Variants in DHRS11 observed in about 807,000 individuals in gnomAD.
The protein encoded by DHRS11 is dehydrogenase/reductase SDR family member 11.
A neutral mutation model predicts 30.7 loss-of-function variants in DHRS11; 18 were observed. That is an observed-to-expected ratio of 0.59 (90% CI 0.41 to 0.87). The LOEUF is 0.87. DHRS11 is among the 40% of genes least tolerant of loss of function. DHRS11 has a pLI of 0.00. For synonymous variants in DHRS11, 123 were observed against 139.6 expected (o/e 0.88, Z 0.84); for missense variants, 300 against 349.0 (o/e 0.86, Z 1.12).
chr17:36,591,974 G>T lies in DHRS11; in HGVS notation c.-36G>T, dbSNP rs2074770336. 1 of 1,223,810 alleles carries T rather than the reference G, an allele frequency of 8.2e-7. No individual in the cohort carries two copies. Among genetic ancestry groups the T allele is most frequent in the South Asian group, 4.1e-5 (1 of 24,318 alleles). The allele number at this position is 1,223,810 out of a possible 1,614,324, so 75.8% of individuals were successfully genotyped here. The stretch of plus-strand genomic sequence containing the variant: ...CGTCAGCTCCTCGACCCCCGTGTCG[G>T]GCTAGTCCAGCGAGGCGGACGGGCG... On this transcript the variant is annotated 5_prime_UTR_variant, in exon 1 of 7. Transcript: ENST00000618403.
In DHRS11 at chr17:36,592,623, A is replaced by C. The variant is rs988796874; in HGVS notation, c.147+467A>C. Among the ~76,000 whole-genome samples, 1 of 152,184 alleles carries C rather than the reference A, an allele frequency of 6.6e-6. No individual in the cohort carries two copies. Among genetic ancestry groups the C allele is most frequent in the African/African-American group, 2.4e-5 (1 of 41,464 alleles). ...CGCCCCCTCACCTCGGGGGTAACTC[A>C]TGCCCAGTGGCATGAGGAATGAATG... On this transcript the variant is annotated intron_variant, in intron 1 of 6. Coordinates refer to ENST00000618403, the MANE Select transcript of DHRS11 (RefSeq NM_024308.4). This position sits in a 1 kb window ranked among gnomAD's most constrained non-coding sequence, Gnocchi z 4.4.
At chr17:36,599,814 C>T in intron 5 of DHRS11, 51 bp downstream of exon 5, 1 of 1,608,524 alleles carries the variant, frequency 6.2e-7, no homozygotes, top group Non-Finnish European at 8.5e-7. Context: ...TAAATGAAGG[C>T]AGAGGGAAGC....
intron 4 of DHRS11, chr17:36,599,309 G>A: frequency 1.7e-6 from 1 of 596,666 alleles, no homozygotes; most frequent in Middle Eastern, 4.5e-4. Flanking sequence ...AGGGACTGTG[G>A]GAAACCAGGT....
chr17:36,599,713 C>G lies in DHRS11; in HGVS notation c.625C>G (p.Leu209Val). The change falls in exon 5 of 7, where the codon CTC (leucine) becomes GTC (valine). Residue 209 changes from leucine (L) to valine (V), a missense_variant. Transcript: ENST00000618403. ...GGTGGAGACACAATTCGCCTTCAAA[C>G]TCCACGACAAGGACCCTGAGAAGGC... ...GVVETQFAFK[L>V]HDKDPEKAAA... 1 of 1,614,190 alleles carries G rather than the reference C, an allele frequency of 6.2e-7. No homozygotes were observed. Among genetic ancestry groups the G allele is most frequent in the African/African-American group, 1.3e-5 (1 of 75,050 alleles).
chr17:36,594,114 C>G (rs566986820), intron 1 of DHRS11, among the ~76,000 whole-genome samples: 1 of 152,256 alleles, frequency 6.6e-6, no homozygotes, highest in Non-Finnish European at 1.5e-5. Context: ...GACTTTCTGA[C>G]CCCTCCTTTA....
At chr17:36,598,074 T>G (rs1199599508) in intron 2 of DHRS11, 89 bp from the exon 3 acceptor site, 2 of 1,346,454 alleles carry the variant, frequency 1.5e-6, no homozygotes, top group Admixed American at 3.4e-5. Context: ...AATGCCACAC[T>G]GCCCCCTTCC....
chr17:36,599,508 T>C (rs2142822772), intron 4 of DHRS11, 163 bp from the exon 5 acceptor site: 1 of 654,590 alleles, frequency 1.5e-6, no homozygotes, highest in South Asian at 1.8e-5. Flanking sequence ...GTAGGTATCA[T>C]TGTGGTCACT....
intron 1 of DHRS11, chr17:36,594,764 T>G: frequency 3.3e-6 from 2 of 606,516 alleles, no homozygotes; most frequent in East Asian, 2.7e-5. Flanking sequence ...GCCTTTTCCC[T>G]TCATCACTCG....
At chr17:36,593,593 T>G (rs987859999) in intron 1 of DHRS11, among the ~76,000 whole-genome samples, 5 of 152,350 alleles carry the variant, frequency 3.3e-5, no homozygotes, top group Admixed American at 6.5e-5. Context: ...CAGAGAAAAC[T>G]CCTGTTTCCT....
At chr17:36,594,745 T>C (rs1482252303) in intron 1 of DHRS11, 1 of 597,246 alleles carries the variant, frequency 1.7e-6, no homozygotes, top group African/African-American at 1.9e-5. Flanking sequence ...GGTTTCTCCA[T>C]TGATAACAGC....
chr17:36,595,508 T>C (rs978305076), intron 2 of DHRS11, among the ~76,000 whole-genome samples: 2 of 146,210 alleles, frequency 1.4e-5, no homozygotes, highest in African/African-American at 2.5e-5. Flanking sequence ...CAACTTCCGC[T>C]TCCCAGGTTC....
In DHRS11 at chr17:36,600,019, C is replaced by A; in HGVS notation, c.723C>A (p.Ser241Arg). The A allele has an allele frequency of 6.2e-7, 1 of 1,613,770 alleles. No individual in the cohort carries two copies. The highest frequency in any genetic ancestry group is 8.5e-7 in the Non-Finnish European group (1 of 1,179,878). ...CCGAGGCTGTTATCTACGTCCTCAG[C>A]ACCCCCGCACACATCCAGGTGAGTC... ...DVAEAVIYVL[S>R]TPAHIQIGDI... The change falls in exon 6 of 7, where the codon AGC (serine) becomes AGA (arginine). Residue 241 changes from serine (S) to arginine (R), a missense_variant. Transcript: ENST00000618403.
chr17:36,596,833 T>G, intron 2 of DHRS11: 1 of 470,898 alleles, frequency 2.1e-6, no homozygotes, highest in Non-Finnish European at 4.4e-6. Flanking sequence ...GACAGTAGAC[T>G]TAGCACCTCA....
At chr17:36,593,246 A>G (rs190682272) in intron 1 of DHRS11, among the ~76,000 whole-genome samples, 2 of 152,270 alleles carry the variant, frequency 1.3e-5, no homozygotes, top group African/African-American at 2.4e-5. Flanking sequence ...CTGAGCCCCA[A>G]GGGGATCCCC....
intron 5 of DHRS11, 73 bp from the exon 6 acceptor site, chr17:36,599,899 G>A: frequency 1.3e-6 from 2 of 1,591,348 alleles, no homozygotes; most frequent in Non-Finnish European, 1.7e-6. Flanking sequence ...GGATGCCACA[G>A]AGAAGCTCAG....
intron 1 of DHRS11, among the ~76,000 whole-genome samples, chr17:36,593,666 C>T (rs2074786131): frequency 6.6e-6 from 1 of 152,122 alleles, no homozygotes; most frequent in Admixed American, 6.5e-5. Context: ...AGGACTATAC[C>T]TTTTGAACTC....
intron 2 of DHRS11, 93 bp downstream of exon 2, chr17:36,595,273 A>G: frequency 1.4e-6 from 2 of 1,429,018 alleles, no homozygotes; most frequent in Non-Finnish European, 1.9e-6. Flanking sequence ...TGGGGACGGG[A>G]CATCTAGGAA....
At chr17:36,599,918 G>C in intron 5 of DHRS11, 54 bp from the exon 6 acceptor site, 1 of 1,601,576 alleles carries the variant, frequency 6.2e-7, no homozygotes, top group Non-Finnish European at 8.5e-7. Flanking sequence ...AGTGGTGGGA[G>C]GGAATTTGAG....
chr17:36,599,700 A>G lies in DHRS11; in HGVS notation c.612A>G (p.Gln204=). The part of the protein sequence containing the change: ...TCISPGVVET[Q]FAFKLHDKDP... ...TCTCTCCAGGTGTGGTGGAGACACA[A>G]TTCGCCTTCAAACTCCACGACAAGG... Residue 204 remains glutamine (Q), a synonymous_variant, in exon 5 of 7, where the codon CAA becomes CAG. Transcript: ENST00000618403. The G allele has an allele frequency of 5.0e-6, 8 of 1,614,130 alleles. No individual in the cohort carries two copies. Among genetic ancestry groups the G allele is most frequent in the East Asian group, 4.5e-5 (2 of 44,868 alleles).
Sources: allele counts gnomAD v4.1 joint callset (sites outside exome capture counted in the v4.1 genomes callset), GRCh38; gene constraint gnomAD v4.1.1; non-coding constraint Gnocchi (gnomAD v3.1); transcripts MANE v1.5; gene names NCBI Gene and HGNC (gene_info 2026-07-23, HGNC 2026-07-21).